Variants in DNER observed in about 807,000 individuals in gnomAD.
The protein encoded by DNER is delta/notch like EGF repeat containing, also known as delta and Notch-like epidermal growth factor-related receptor.
DNER carries 33 observed loss-of-function variants against 78.2 expected under a neutral mutation model. The observed-to-expected ratio is 0.42, with a 90% CI of 0.32 to 0.56. The LOEUF (loss-of-function observed/expected upper bound fraction) is 0.56, where lower values mean the gene tolerates loss of function less well. Ranked by LOEUF, DNER falls within the 20% of genes least tolerant of loss-of-function variation. The pLI, the probability that DNER is intolerant of heterozygous loss-of-function variation, is 0.11. For missense variants in DNER, 918 were observed against 975.3 expected (o/e 0.94, Z 0.78); for synonymous variants, 417 against 384.8 (o/e 1.08, Z -0.98).
intron 11 of DNER, among the ~76,000 whole-genome samples, chr2:229,386,223 G>C (rs374395888): frequency 1.3e-5 from 2 of 152,298 alleles, no homozygotes; most frequent in South Asian, 2.1e-4. Flanking sequence ...ATTGGTGAAA[G>C]GATTCCCTAT....
intron 1 of DNER, among the ~76,000 whole-genome samples, chr2:229,618,683 G>A (rs1445583525): frequency 6.6e-6 from 1 of 152,214 alleles, no homozygotes; most frequent in Non-Finnish European, 1.5e-5. Context: ...CTATTTGTGA[G>A]TAGACTAAAG....
At chr2:229,487,952 T>G (rs1447140901) in intron 6 of DNER, among the ~76,000 whole-genome samples, 1 of 152,174 alleles carries the variant, frequency 6.6e-6, no homozygotes, top group African/African-American at 2.4e-5. Context: ...ACCAAAGAGT[T>G]GGGGTCACTG....
chr2:229,431,542 A>G (rs961310994), intron 8 of DNER, among the ~76,000 whole-genome samples: 4 of 150,212 alleles, frequency 2.7e-5, no homozygotes, highest in African/African-American at 9.8e-5. Context: ...GCTTTTGGCC[A>G]CTAGAGGGTG....
At chr2:229,495,475 G>C (rs888723179) in intron 6 of DNER, among the ~76,000 whole-genome samples, 1 of 152,156 alleles carries the variant, frequency 6.6e-6, no homozygotes, top group East Asian at 1.9e-4. Flanking sequence ...CTGAAAGCTA[G>C]CAGGCTCGAG....
At chr2:229,401,204 G>C (rs1224937223) in intron 10 of DNER, among the ~76,000 whole-genome samples, 1 of 152,030 alleles carries the variant, frequency 6.6e-6, no homozygotes, top group Non-Finnish European at 1.5e-5. Context: ...TAGAGAAACT[G>C]AATCACTCAG....
chr2:229,559,878 C>T (rs985705808), intron 4 of DNER, among the ~76,000 whole-genome samples: 1 of 152,202 alleles, frequency 6.6e-6, no homozygotes, highest in African/African-American at 2.4e-5. Flanking sequence ...TCCTATCACA[C>T]AAACAAATGC....
At position 229,388,258 on chromosome 2, in the gene DNER, T is replaced by C; in HGVS notation, c.1855+7A>G. Reference sequence around the variant, plus strand: ...AATAACAGTGGCTGAGCTGCAGAAATACTTACGGATCTCACAGTTTGCTCC... The same window carrying C: ...AATAACAGTGGCTGAGCTGCAGAAACACTTACGGATCTCACAGTTTGCTCC... On this transcript the variant is annotated splice_region_variant and intron_variant, in intron 11 of 12. Coordinates refer to ENST00000341772, the MANE Select transcript of DNER (RefSeq NM_139072.4). The C allele has an allele frequency of 6.2e-7, 1 of 1,604,528 alleles. No homozygotes were observed. The highest frequency in any genetic ancestry group is 8.5e-7 in the Non-Finnish European group (1 of 1,175,526).
intron 8 of DNER, among the ~76,000 whole-genome samples, chr2:229,432,489 C>T (rs188842833): frequency 8.5e-5 from 13 of 152,150 alleles, no homozygotes; most frequent in Admixed American, 1.3e-4. Context: ...AAATTTTAAA[C>T]GGTATAAAAG....
At chr2:229,375,265 A>G (rs1050709962) in intron 11 of DNER, among the ~76,000 whole-genome samples, 2 of 152,230 alleles carry the variant, frequency 1.3e-5, no homozygotes, top group Non-Finnish European at 2.9e-5. Context: ...TTTATTAAGT[A>G]TCTACTATGT....
At chr2:229,577,240 C>A (rs1378545915) in intron 4 of DNER, among the ~76,000 whole-genome samples, 1 of 152,114 alleles carries the variant, frequency 6.6e-6, no homozygotes, top group Non-Finnish European at 1.5e-5. Flanking sequence ...CCAATAAAAG[C>A]TAATAAAGTA....
chr2:229,376,470 C>A lies in DNER; in HGVS notation c.1856-9351G>T, dbSNP rs574359906. ...AGGTATTTTGTTATAGTATCCCAAG[C>A]AAACTAAGACAGGTGCATATATAGA... On this transcript the variant is annotated intron_variant, in intron 11 of 12. Transcript: ENST00000341772. Among the ~76,000 whole-genome samples, 6 of 152,244 alleles carry A rather than the reference C, an allele frequency of 3.9e-5. No homozygotes were observed. The East Asian group carries it at 1.2e-3, about 29-fold the overall frequency.
chr2:229,553,345 C>T (rs1696786842), intron 4 of DNER, among the ~76,000 whole-genome samples: 1 of 152,096 alleles, frequency 6.6e-6, no homozygotes, highest in Non-Finnish European at 1.5e-5. Context: ...AAGCCAGTTC[C>T]CCACATTCTA....
chr2:229,702,611 A>G (rs1388313256), intron 1 of DNER, among the ~76,000 whole-genome samples: 2 of 151,850 alleles, frequency 1.3e-5, no homozygotes, highest in African/African-American at 4.8e-5. Context: ...CCATCCACAG[A>G]TCCCAGGTTA....
At chr2:229,489,091 C>T (rs1032537270) in intron 6 of DNER, among the ~76,000 whole-genome samples, 10 of 152,226 alleles carry the variant, frequency 6.6e-5, no homozygotes, top group Non-Finnish European at 1.5e-4. Context: ...TGGAAGCAGG[C>T]GCTGCACTTG....
intron 7 of DNER, among the ~76,000 whole-genome samples, chr2:229,457,291 T>C (rs868614530): frequency 6.6e-6 from 1 of 152,054 alleles, no homozygotes; most frequent in African/African-American, 2.4e-5. Context: ...TTAATTTCTT[T>C]TAAAAATGGT....
rs151135341 is a variant in DNER, at chr2:229,454,744, C to T, written c.1262-7204G>A. On this transcript the variant is annotated intron_variant, in intron 7 of 12. Transcript: ENST00000341772. ...GTGTTTTATTATTCTTAAAATTTTGCTTTTTCTTACCAATTCAAGAAAATA... is the reference window on the plus strand; with the variant it reads ...GTGTTTTATTATTCTTAAAATTTTGTTTTTTCTTACCAATTCAAGAAAATA... Among the ~76,000 whole-genome samples, 765 of 151,776 alleles carry T rather than the reference C, an allele frequency of 5.0e-3. 8 individuals carry two copies. Among genetic ancestry groups the T allele is most frequent in the African/African-American group, 0.018 (733 of 41,362 alleles).
intron 1 of DNER, among the ~76,000 whole-genome samples, chr2:229,644,774 C>G (rs990039051): frequency 6.6e-6 from 1 of 152,154 alleles, no homozygotes; most frequent in South Asian, 2.1e-4. Context: ...TCAGGAGTGA[C>G]TACAGAGATG....
intron 8 of DNER, among the ~76,000 whole-genome samples, chr2:229,419,857 GAA>G (rs760010761): frequency 6.7e-6 from 1 of 150,200 alleles, no homozygotes; most frequent in Non-Finnish European, 1.5e-5. Flanking sequence ...AAGGACATTT[GAA>G]AATGTTTGGA....
At chr2:229,463,471 C>T (rs1055730598) in intron 7 of DNER, among the ~76,000 whole-genome samples, 2 of 152,068 alleles carry the variant, frequency 1.3e-5, no homozygotes, top group Admixed American at 6.6e-5. Context: ...GATGGGGTCT[C>T]GCTTTGTCTC....
Sources: allele counts gnomAD v4.1 joint callset (sites outside exome capture counted in the v4.1 genomes callset), GRCh38; gene constraint gnomAD v4.1.1; transcripts MANE v1.5; gene names NCBI Gene and HGNC (gene_info 2026-07-23, HGNC 2026-07-21).